QSER1: variants seen among roughly 807,000 people sequenced by gnomAD.
QSER1 encodes the protein glutamine and serine rich 1.
A neutral mutation model predicts 158.5 loss-of-function variants in QSER1; 49 were observed. The observed-to-expected ratio is 0.31, with a 90% confidence interval of 0.25 to 0.39. The LOEUF (loss-of-function observed/expected upper bound fraction) is 0.39, where lower values mean the gene tolerates loss of function less well. Ranked by LOEUF, QSER1 falls within the 10% of genes least tolerant of loss-of-function variation. QSER1 has a pLI of 1.00. For synonymous variants in QSER1, 650 were observed against 715.5 expected, an observed-to-expected ratio of 0.91 and a Z score of 1.46; for missense variants, 1,754 against 2,010.3, an observed-to-expected ratio of 0.87 and a Z score of 2.44.
chr11:32,927,685 G>A (rs1851991467), intron 2 of QSER1, among the ~76,000 whole-genome samples: 1 of 152,148 alleles, frequency 6.6e-6, no homozygotes, highest in Non-Finnish European at 1.5e-5. Context: ...GGGATTACAG[G>A]CATGAGCCGC....
At chr11:32,968,010 C>G (rs1852780636) in intron 9 of QSER1, among the ~76,000 whole-genome samples, 1 of 152,138 alleles carries the variant, frequency 6.6e-6, no homozygotes, top group Non-Finnish European at 1.5e-5. Context: ...TGTTATATTC[C>G]TTGCATCATA....
chr11:32,943,672 C>G, intron 4 of QSER1, among the ~76,000 whole-genome samples: 1 of 151,228 alleles, frequency 6.6e-6, no homozygotes, highest in East Asian at 1.9e-4. Context: ...CAATGTTCAT[C>G]AAGGATATTG....
chr11:32,956,252 G>A, intron 7 of QSER1, 131 bp downstream of exon 7: 1 of 725,500 alleles, frequency 1.4e-6, no homozygotes, highest in Non-Finnish European at 2.3e-6. Context: ...TTCAGTGCCT[G>A]ATGAAATAAG....
chr11:32,962,057 CA>C (rs1852634655), intron 8 of QSER1, among the ~76,000 whole-genome samples: 1 of 152,180 alleles, frequency 6.6e-6, no homozygotes, highest in South Asian at 2.1e-4. Flanking sequence ...GAGGAACCAT[CA>C]AACTGTTTTC....
Position 32,893,913 on chromosome 11 carries a change from CG to C in QSER1, c.209+582del, listed in dbSNP as rs953421033. Reference sequence around the variant, plus strand: ...CAGGGCGCGAACGCGGCTCCAGGGCCGGGTGACATATGTTTGCGCTGGTGGC... The same window carrying C: ...CAGGGCGCGAACGCGGCTCCAGGGCCGGTGACATATGTTTGCGCTGGTGGC... On this transcript the variant is annotated intron_variant, in intron 1 of 12. Transcript: ENST00000650167. This position sits in a 1 kb window ranked among gnomAD's most constrained non-coding sequence, Gnocchi z 4.7. Among the ~76,000 whole-genome samples, 3 of 152,188 alleles carry C rather than the reference CG, an allele frequency of 2.0e-5. No individual in the cohort carries two copies. Among genetic ancestry groups the C allele is most frequent in the Non-Finnish European group, 4.4e-5 (3 of 68,034 alleles).
intron 1 of QSER1, among the ~76,000 whole-genome samples, chr11:32,904,092 A>G (rs991397642): frequency 5.9e-5 from 9 of 152,112 alleles, no homozygotes; most frequent in Non-Finnish European, 1.3e-4. Flanking sequence ...CTAGGCTGCT[A>G]CTAACACAGT....
chr11:32,953,931 G>A lies in QSER1; in HGVS notation c.4252G>A (p.Gly1418Ser). ...GTATTSSTTV[G>S]AVKQEPLHST... is the part of the protein sequence containing the mutation. ...TGCTACTACTTCCTCAACCACTGTG[G>A]GTGCAGTTAAGCAAGAACCTCTCCA... The change falls in exon 5 of 13, where the codon GGT becomes AGT. Residue 1418 changes from glycine to serine, a missense_variant. By Grantham distance (56) the Gly-to-Ser change is moderately conservative (BLOSUM62 0). Around this residue, in one of 2 missense-constraint regions of QSER1, gnomAD observed 1,707 missense variants for 1,919.6 expected, o/e 0.89. Coordinates refer to ENST00000650167, the MANE Select transcript of QSER1 (RefSeq NM_001076786.3). 1 of 1,614,096 alleles carries A rather than the reference G, an allele frequency of 6.2e-7. No homozygotes were observed. The highest frequency in any genetic ancestry group is 8.5e-7 in the Non-Finnish European group (1 of 1,180,008).
At chr11:32,956,228 A>G in intron 7 of QSER1, 107 bp downstream of exon 7, 1 of 1,006,174 alleles carries the variant, frequency 9.9e-7, no homozygotes, top group South Asian at 1.5e-5. Context: ...TTTATTATAC[A>G]CAAGTCAAAA....
At position 32,927,961 on chromosome 11, in the gene QSER1, G is replaced by T; in HGVS notation, c.323-1G>T. On this transcript the variant is annotated splice_acceptor_variant, in intron 2 of 12. Transcript: ENST00000650167. LOFTEE classifies it high-confidence loss of function. ...GGGATATATTTTATCTTCAAATTTAGGTCTTTCTGGAATATTTGATACTAG... is the reference window on the plus strand; with the variant it reads ...GGGATATATTTTATCTTCAAATTTATGTCTTTCTGGAATATTTGATACTAG... 1 of 753,970 alleles carries T rather than the reference G, an allele frequency of 1.3e-6. No individual in the cohort carries two copies. The highest frequency in any genetic ancestry group is 2.1e-6 in the Non-Finnish European group (1 of 470,244). 46.7% of individuals were successfully genotyped at this position (753,970 alleles called of 1,614,324 possible). A position where few individuals can be genotyped will look rare whatever the true frequency, so the allele number is the denominator to read the frequency against.
rs1394592478 is a variant in QSER1 at position 32,934,059 on chromosome 11, TACA to T, written c.2808_2810del (p.Gln936del). On this transcript the variant is annotated inframe_deletion, in exon 4 of 13. Coordinates refer to ENST00000650167, the MANE Select transcript of QSER1 (RefSeq NM_001076786.3). The stretch of plus-strand genomic sequence containing the variant: ...GACCTCTCTGAGTCTTCAAAACCAT[TACA>T]ACAACATCTAACAACAAAGGGCCAT... 5 of 1,613,788 alleles carry T rather than the reference TACA, an allele frequency of 3.1e-6. No homozygotes were observed. Among genetic ancestry groups the T allele is most frequent in the South Asian group, 2.2e-5 (2 of 91,040 alleles).
At chr11:32,972,472 G>C (rs1390121136) in intron 10 of QSER1, among the ~76,000 whole-genome samples, 2 of 151,386 alleles carry the variant, frequency 1.3e-5, no homozygotes, top group East Asian at 3.9e-4. Flanking sequence ...GTCTCTCTCT[G>C]TCACCCAGAC....
intron 12 of QSER1, 62 bp from the exon 13 acceptor site, chr11:32,976,272 T>G: frequency 7.3e-7 from 1 of 1,361,014 alleles, no homozygotes; most frequent in Non-Finnish European, 9.9e-7. Flanking sequence ...TACCAGTACT[T>G]GTAGTTGAAC....
rs370738010 is a variant in QSER1, at chr11:32,920,724, G to C, written c.210-6433G>C. 1.5e-4 allele frequency among the ~76,000 whole-genome samples: 23 copies of C among 152,320 alleles called. No homozygotes were observed. In the East Asian group the frequency reaches 1.5e-3, roughly 10 times the overall value. On this transcript the variant is annotated intron_variant, in intron 1 of 12. Coordinates refer to ENST00000650167, the MANE Select transcript of QSER1 (RefSeq NM_001076786.3). Reference sequence around the variant, plus strand: ...GCATGTGAGTAGACACTTGTCCAAAGAAGATGCAAGTGGTCAGTAAGCACA... The same window carrying C: ...GCATGTGAGTAGACACTTGTCCAAACAAGATGCAAGTGGTCAGTAAGCACA...
chr11:32,956,541 G>A (rs1852515865), intron 7 of QSER1, among the ~76,000 whole-genome samples: 1 of 152,120 alleles, frequency 6.6e-6, no homozygotes, highest in Non-Finnish European at 1.5e-5. Flanking sequence ...TACTGTACAA[G>A]TGTACACAGT....
chr11:32,928,233 C>T (rs1293190333), intron 3 of QSER1, 110 bp downstream of exon 3: 2 of 663,440 alleles, frequency 3.0e-6, no homozygotes, highest in East Asian at 5.5e-5. Context: ...ATTGATTTTC[C>T]ACTGAACTTT....
At chr11:32,959,297 G>A (rs747168409) in intron 8 of QSER1, among the ~76,000 whole-genome samples, 60 of 152,128 alleles carry the variant, frequency 3.9e-4, no homozygotes, top group Non-Finnish European at 8.1e-4. Flanking sequence ...TTTACCTATA[G>A]CCCTTTACAG....
Position 32,972,503 on chromosome 11 carries a change from T to C in QSER1, c.5206-894T>C, listed in dbSNP as rs377463292. Among the ~76,000 whole-genome samples the C allele has an allele frequency of 3.3e-5, 5 of 151,898 alleles. No individual in the cohort carries two copies. The East Asian group carries it at 5.8e-4, about 18-fold the overall frequency. ...CAGACTGGAGTGCAGTGGCATGATA[T>C]TAGCTCAGTACAACCTCTGCCTCCC... On this transcript the variant is annotated intron_variant, in intron 10 of 12. Transcript: ENST00000650167.
chr11:32,961,539 A>C (rs1233876422), intron 8 of QSER1, among the ~76,000 whole-genome samples: 1 of 152,158 alleles, frequency 6.6e-6, no homozygotes, highest in East Asian at 1.9e-4. Flanking sequence ...ATTTACATTC[A>C]CACTGTTGTA....
chr11:32,894,270 T>C (rs777835015), intron 1 of QSER1, among the ~76,000 whole-genome samples: 2 of 152,170 alleles, frequency 1.3e-5, no homozygotes, highest in African/African-American at 2.4e-5. Context: ...AGTGCCACAC[T>C]GTGAAACGGT....
Sources: gnomAD v4.1 joint callset for allele counts (sites outside exome capture counted in the v4.1 genomes callset) on GRCh38, gnomAD v4.1.1 for gene constraint, gnomAD v4.1.1 regional missense constraint, Gnocchi (gnomAD v3.1) non-coding constraint, MANE v1.5 for transcripts, NCBI Gene and HGNC (gene_info 2026-07-23, HGNC 2026-07-21) for gene names.